TNIK: variants seen among roughly 807,000 people sequenced by gnomAD.
The protein encoded by TNIK is TRAF2 and NCK interacting kinase.
Under a neutral mutation model 191.3 loss-of-function variants are expected in TNIK, and 49 were observed. The ratio of observed to expected loss-of-function variants is 0.26; its 90% CI spans 0.20 to 0.32. The LOEUF is 0.32. Ranked by LOEUF, TNIK falls within the 10% of genes least tolerant of loss-of-function variation. The pLI is 1.00. For synonymous variants in TNIK, 594 were observed against 600.9 expected, an observed-to-expected ratio of 0.99 and a Z score of 0.17; for missense variants, 1,155 against 1,702.3, an observed-to-expected ratio of 0.68 and a Z score of 5.66.
intron 1 of TNIK, among the ~76,000 whole-genome samples, chr3:171,389,600 G>A (rs1489379385): frequency 6.6e-6 from 1 of 152,130 alleles, no homozygotes; most frequent in Non-Finnish European, 1.5e-5. Context: ...ATCATTAGGG[G>A]ATCTATGAAT....
At chr3:171,064,062 C>A (rs1189863107) in intron 32 of TNIK, 98 bp from the exon 33 acceptor site, 8 of 1,151,656 alleles carry the variant, frequency 6.9e-6, no homozygotes, top group Non-Finnish European at 8.8e-6. Context: ...CTATCCTTGC[C>A]ATGTGTCAGG....
At chr3:171,401,965 A>G (rs1490544038) in intron 1 of TNIK, among the ~76,000 whole-genome samples, 2 of 152,224 alleles carry the variant, frequency 1.3e-5, no homozygotes, top group Non-Finnish European at 2.9e-5. Flanking sequence ...TTAGGAATCT[A>G]TCAAATAGAA....
intron 1 of TNIK, among the ~76,000 whole-genome samples, chr3:171,399,514 A>G (rs1720647704): frequency 6.6e-6 from 1 of 152,256 alleles, no homozygotes; most frequent in Non-Finnish European, 1.5e-5. Context: ...TATTTATAAG[A>G]GTACAAATAG....
chr3:171,093,288 T>TA lies in TNIK; in HGVS notation c.2721+550dup, dbSNP rs544352515. ...CAAATGAAATGATGTTCCTAGAGTT[T>TA]AAAAAAAAATTCAACCAAAGTTCCA... is the stretch of plus-strand genomic sequence containing the variant. On this transcript the variant is annotated intron_variant, in intron 23 of 32. Coordinates refer to ENST00000436636, the MANE Select transcript of TNIK (RefSeq NM_015028.4). 3.9e-3 allele frequency among the ~76,000 whole-genome samples: 587 copies of TA among 151,878 alleles called. 3 individuals are homozygous for TA. Among genetic ancestry groups the TA allele is most frequent in the Non-Finnish European group, 5.2e-3 (354 of 67,900 alleles).
At chr3:171,084,944 A>G (rs1721148055) in intron 25 of TNIK, among the ~76,000 whole-genome samples, 174 bp downstream of exon 25, 1 of 152,222 alleles carries the variant, frequency 6.6e-6, no homozygotes, top group Admixed American at 6.5e-5. Flanking sequence ...AATGGAAAGT[A>G]ATACATTTGT....
At chr3:171,189,077 C>G (rs1459355565) in intron 6 of TNIK, among the ~76,000 whole-genome samples, 1 of 152,174 alleles carries the variant, frequency 6.6e-6, no homozygotes, top group African/African-American at 2.4e-5. Context: ...AACAATAGCT[C>G]CCAATTCCCC....
intron 1 of TNIK, among the ~76,000 whole-genome samples, chr3:171,447,237 T>C (rs1304485889): frequency 6.6e-6 from 1 of 150,922 alleles, no homozygotes; most frequent in African/African-American, 2.4e-5. Context: ...ATCCCCTAGA[T>C]ACACTCCACA....
chr3:171,337,200 A>G (rs1219936101), intron 2 of TNIK, among the ~76,000 whole-genome samples: 1 of 152,242 alleles, frequency 6.6e-6, no homozygotes, highest in Admixed American at 6.5e-5. Context: ...CCAGGCATCC[A>G]TGGCAATCTC....
At chr3:171,397,958 A>G (rs1195292129) in intron 1 of TNIK, among the ~76,000 whole-genome samples, 1 of 152,256 alleles carries the variant, frequency 6.6e-6, no homozygotes, top group Non-Finnish European at 1.5e-5. Flanking sequence ...CAACATTTTT[A>G]TCTTATTCTT....
chr3:171,155,384 G>A (rs776305522), intron 12 of TNIK, among the ~76,000 whole-genome samples: 41 of 152,176 alleles, frequency 2.7e-4, no homozygotes, highest in Admixed American at 1.2e-3. Flanking sequence ...TCTCCACTGC[G>A]CTATAGAATA....
chr3:171,101,715 A>AAGCTGG (rs1723594429), intron 21 of TNIK, 82 bp from the exon 22 acceptor site: 2 of 1,409,528 alleles, frequency 1.4e-6, no homozygotes, highest in Non-Finnish European at 9.6e-7. Flanking sequence ...GCTCCAGCTT[A>AAGCTGG]AGCAACAAGA....
chr3:171,439,787 C>T (rs892969177), intron 1 of TNIK, among the ~76,000 whole-genome samples: 2 of 152,198 alleles, frequency 1.3e-5, no homozygotes, highest in African/African-American at 4.8e-5. Flanking sequence ...AAATTCCTCG[C>T]TGAAAGTCTT....
In TNIK at chr3:171,303,122, C is replaced by T. The variant is rs533332829; in HGVS notation, c.123+66498G>A. ...AGCAAAATAAAGTTTTTATCACACA[C>T]GTAAAAAATAATATTCCTCCTAAAC... On this transcript the variant is annotated intron_variant, in intron 2 of 32. Coordinates refer to ENST00000436636, the MANE Select transcript of TNIK (RefSeq NM_015028.4). Among the ~76,000 whole-genome samples the T allele has an allele frequency of 4.7e-4, 72 of 152,228 alleles. No individual in the cohort carries two copies. The South Asian group carries it at 9.7e-3, about 21-fold the overall frequency.
At chr3:171,081,249 C>T (rs1443089055) in intron 27 of TNIK, among the ~76,000 whole-genome samples, 1 of 151,916 alleles carries the variant, frequency 6.6e-6, no homozygotes, top group Admixed American at 6.6e-5. Flanking sequence ...ACTGAGCATT[C>T]AGTGGAAAGG....
intron 6 of TNIK, 85 bp from the exon 7 acceptor site, chr3:171,188,917 T>C: frequency 6.7e-7 from 1 of 1,503,374 alleles, no homozygotes; most frequent in Non-Finnish European, 9.1e-7. Context: ...TTTATTGTGG[T>C]AAAACATAAG....
intron 12 of TNIK, among the ~76,000 whole-genome samples, chr3:171,156,953 C>T (rs1179479878): frequency 1.3e-5 from 2 of 152,196 alleles, no homozygotes; most frequent in Admixed American, 1.3e-4. Flanking sequence ...CCCATTCATT[C>T]ATATATTACT....
chr3:171,079,707 C>T, intron 27 of TNIK, 55 bp from the exon 28 acceptor site: 1 of 1,530,728 alleles, frequency 6.5e-7, no homozygotes, highest in Admixed American at 2.1e-5. Context: ...CTCACTTTTT[C>T]CTTCCCCACC....
At chr3:171,197,857 G>C (rs2108858124) in intron 4 of TNIK, among the ~76,000 whole-genome samples, 1 of 152,260 alleles carries the variant, frequency 6.6e-6, no homozygotes, top group East Asian at 1.9e-4. Context: ...CAGTTAATGG[G>C]TTCCTCAATA....
At chr3:171,430,662 A>AAT (rs1553776849) in intron 1 of TNIK, among the ~76,000 whole-genome samples, 3 of 151,470 alleles carry the variant, frequency 2.0e-5, no homozygotes, top group Admixed American at 6.6e-5. Context: ...AAAAAAAAAA[A>AAT]GAAATGAAAT....
Sources: allele counts gnomAD v4.1 joint callset (sites outside exome capture counted in the v4.1 genomes callset), GRCh38; gene constraint gnomAD v4.1.1; transcripts MANE v1.5; gene names NCBI Gene and HGNC (gene_info 2026-07-23, HGNC 2026-07-21).